Variants in LEKR1 observed in about 807,000 individuals in gnomAD.
LEKR1 encodes the protein protein LEKR1.
In LEKR1, 59 loss-of-function variants were observed where a neutral mutation model predicts 72.4. The ratio of observed to expected loss-of-function variants is 0.82; its 90% CI spans 0.66 to 1.01. LEKR1 has a LOEUF of 1.01. Among genes scored for constraint, LEKR1 ranks in the 50% least tolerant of loss-of-function variants. The pLI is 0.00. For missense variants in LEKR1, 728 were observed against 759.2 expected (o/e 0.96, Z 0.48); for synonymous variants, 257 against 263.2 (o/e 0.98, Z 0.23).
At chr3:157,038,857 T>C (rs1232273324) in intron 12 of LEKR1, among the ~76,000 whole-genome samples, 1 of 152,226 alleles carries the variant, frequency 6.6e-6, no homozygotes, top group Non-Finnish European at 1.5e-5. Flanking sequence ...AACATCTGAA[T>C]GTTCACATGA....
chr3:157,022,524 G>T (rs927823375), intron 10 of LEKR1, among the ~76,000 whole-genome samples: 4 of 151,946 alleles, frequency 2.6e-5, no homozygotes, highest in Non-Finnish European at 4.4e-5. Flanking sequence ...GGGTGGGGAG[G>T]GTAAAGGAGA....
At chr3:156,912,716 A>T (rs781593123) in intron 3 of LEKR1, among the ~76,000 whole-genome samples, 4 of 152,184 alleles carry the variant, frequency 2.6e-5, no homozygotes, top group African/African-American at 9.7e-5. Context: ...GCAGACTTTC[A>T]TGAGGTTCCC....
intron 3 of LEKR1, among the ~76,000 whole-genome samples, chr3:156,876,770 G>A (rs1222980190): frequency 4.6e-5 from 7 of 152,300 alleles, no homozygotes; most frequent in Non-Finnish European, 1.0e-4. Context: ...TCAGCATACA[G>A]CAACAGTTTG....
At chr3:156,844,320 C>T (rs76181401) in intron 2 of LEKR1, among the ~76,000 whole-genome samples, 1 of 152,040 alleles carries the variant, frequency 6.6e-6, no homozygotes, top group Admixed American at 6.6e-5. Flanking sequence ...TGTAGATTCA[C>T]ATGCAAGGTA....
At chr3:156,877,138 C>T (rs1490557381) in intron 3 of LEKR1, among the ~76,000 whole-genome samples, 1 of 152,166 alleles carries the variant, frequency 6.6e-6, no homozygotes. Flanking sequence ...ATATGTTAAA[C>T]CATCCCTGTA....
chr3:156,879,430 C>T (rs541484646), intron 3 of LEKR1, among the ~76,000 whole-genome samples: 9 of 152,034 alleles, frequency 5.9e-5, no homozygotes, highest in East Asian at 3.8e-4. Flanking sequence ...GCAAAGCATT[C>T]GAGAGGTTAC....
chr3:157,019,467 A>G (rs1399094141), intron 10 of LEKR1, among the ~76,000 whole-genome samples: 2 of 152,214 alleles, frequency 1.3e-5, no homozygotes, highest in African/African-American at 4.8e-5. Context: ...TTTCAGCTAG[A>G]AGAGGATATA....
intron 1 of LEKR1, among the ~76,000 whole-genome samples, chr3:156,828,732 T>G (rs2108526629): frequency 6.6e-6 from 1 of 152,330 alleles, no homozygotes; most frequent in East Asian, 1.9e-4. Flanking sequence ...TATATAAATG[T>G]CCATCTTAGA....
chr3:156,899,463 TACA>T (rs1489170237), intron 3 of LEKR1, among the ~76,000 whole-genome samples: 3 of 78,900 alleles, frequency 3.8e-5, no homozygotes, highest in Non-Finnish European at 5.1e-5. Flanking sequence ...TACACATATA[TACA>T]TGTATATATA....
At chr3:156,897,493 A>G (rs1044172003) in intron 3 of LEKR1, among the ~76,000 whole-genome samples, 2 of 152,028 alleles carry the variant, frequency 1.3e-5, no homozygotes, top group African/African-American at 4.8e-5. Flanking sequence ...ACATTTAAGA[A>G]ATACACTGGG....
chr3:156,934,326 A>G (rs1034078185), intron 5 of LEKR1, among the ~76,000 whole-genome samples: 10 of 152,188 alleles, frequency 6.6e-5, no homozygotes, highest in African/African-American at 2.4e-4. Flanking sequence ...TGGAATTGAA[A>G]TGGAAGTAAC....
rs144728747 is a variant in LEKR1 at position 157,034,346 on chromosome 3, C to T, written c.1668+5944C>T. Among the ~76,000 whole-genome samples the T allele has an allele frequency of 2.6e-5, 4 of 152,212 alleles. No homozygotes were observed. The East Asian group carries it at 7.7e-4, about 29-fold the overall frequency. On this transcript the variant is annotated intron_variant, in intron 12 of 12. Coordinates refer to ENST00000356539, the MANE Select transcript of LEKR1 (RefSeq NM_001004316.3). The stretch of plus-strand genomic sequence containing the variant: ...ATTCTAGATGCCATTCAGAACATTC[C>T]TAATTCATGGGTAGAGGATAAAATA...
At chr3:156,889,381 T>G (rs1482181862) in intron 3 of LEKR1, among the ~76,000 whole-genome samples, 1 of 152,016 alleles carries the variant, frequency 6.6e-6, no homozygotes, top group East Asian at 1.9e-4. Flanking sequence ...CTTAAATCAT[T>G]TTGGAGGCAG....
intron 3 of LEKR1, among the ~76,000 whole-genome samples, chr3:156,889,724 C>T (rs147660258): frequency 6.6e-6 from 1 of 152,300 alleles, no homozygotes; most frequent in Non-Finnish European, 1.5e-5. Context: ...CTGCTACTAA[C>T]TTCTTTTTCT....
intron 3 of LEKR1, among the ~76,000 whole-genome samples, chr3:156,919,004 G>A (rs1043836380): frequency 2.0e-5 from 3 of 152,298 alleles, no homozygotes; most frequent in South Asian, 2.1e-4. Flanking sequence ...TCCCTTGTGA[G>A]TGAATGGAGT....
At chr3:157,037,696 C>T (rs899895457) in intron 12 of LEKR1, among the ~76,000 whole-genome samples, 2 of 152,110 alleles carry the variant, frequency 1.3e-5, no homozygotes, top group African/African-American at 4.8e-5. Flanking sequence ...TTTATGCATT[C>T]ATTTAACAGG....
chr3:156,973,989 A>G (rs1729472767), intron 6 of LEKR1, among the ~76,000 whole-genome samples: 3 of 152,180 alleles, frequency 2.0e-5, no homozygotes, highest in Admixed American at 1.3e-4. Context: ...GTGTATTCCT[A>G]TGATCTCATA....
chr3:156,933,635 A>G (rs1725446774), intron 5 of LEKR1, among the ~76,000 whole-genome samples: 1 of 152,200 alleles, frequency 6.6e-6, no homozygotes, highest in African/African-American at 2.4e-5. Context: ...CAATCATACT[A>G]GAATTGGAGA....
At chr3:156,988,277 G>A (rs1224367762) in intron 7 of LEKR1, 7 of 202,124 alleles carry the variant, frequency 3.5e-5, no homozygotes, top group Admixed American at 2.4e-4. Context: ...GCCTTACAGC[G>A]GTAGATATCT....
Sources: gnomAD v4.1 joint callset for allele counts (sites outside exome capture counted in the v4.1 genomes callset) on GRCh38, gnomAD v4.1.1 for gene constraint, MANE v1.5 for transcripts, NCBI Gene and HGNC (gene_info 2026-07-23, HGNC 2026-07-21) for gene names.